The following TRAF3IP1 variants were observed in gnomAD, a reference collection of about 807,000 sequenced individuals.
The protein encoded by TRAF3IP1 is intraflagellar transport 54.
TRAF3IP1 carries 53 observed loss-of-function variants against 89.9 expected under a neutral mutation model. The observed-to-expected ratio is 0.59, with a 90% CI of 0.47 to 0.74. The LOEUF (loss-of-function observed/expected upper bound fraction) is 0.74, where lower values mean the gene tolerates loss of function less well. Among genes scored for constraint, TRAF3IP1 ranks in the 30% least tolerant of loss-of-function variants. The pLI is 0.00. For missense variants in TRAF3IP1, 806 were observed against 866.1 expected (o/e 0.93, Z 0.87); for synonymous variants, 311 against 322.1 (o/e 0.97, Z 0.37).
intron 15 of TRAF3IP1, among the ~76,000 whole-genome samples, chr2:238,380,402 C>T (rs1700495908): frequency 6.6e-6 from 1 of 152,158 alleles, no homozygotes; most frequent in African/African-American, 2.4e-5. Context: ...AGGGAAGGTC[C>T]TCTCCCCCGG....
At chr2:238,361,155 T>C (rs1559377701) in intron 15 of TRAF3IP1, among the ~76,000 whole-genome samples, 3 of 151,480 alleles carry the variant, frequency 2.0e-5, no homozygotes, top group Admixed American at 6.6e-5. Context: ...CAAGTGATCC[T>C]CCCACCTCAG....
chr2:238,332,255 C>T (rs765182303), intron 5 of TRAF3IP1, among the ~76,000 whole-genome samples: 20 of 152,208 alleles, frequency 1.3e-4, no homozygotes, highest in Non-Finnish European at 2.9e-4. Flanking sequence ...TCCTTCTACT[C>T]TGAGATATGT....
At chr2:238,335,861 G>T (rs577244300) in intron 7 of TRAF3IP1, among the ~76,000 whole-genome samples, 8 of 151,210 alleles carry the variant, frequency 5.3e-5, no homozygotes, top group African/African-American at 1.2e-4. Context: ...GTGCAGTGGC[G>T]CAATCATGGC....
chr2:238,341,788 C>T lies in TRAF3IP1; in HGVS notation c.1160-2709C>T, dbSNP rs566617992. Reference sequence around the variant, plus strand: ...GAGGCGGGGCAAACTGGGCAAACTGCGGCTCAGGAAGGCTGAGGGACCTGA... The same window carrying T: ...GAGGCGGGGCAAACTGGGCAAACTGTGGCTCAGGAAGGCTGAGGGACCTGA... On this transcript the variant is annotated intron_variant, in intron 8 of 16. Coordinates refer to ENST00000373327, the MANE Select transcript of TRAF3IP1 (RefSeq NM_015650.4). 3.1e-4 allele frequency among the ~76,000 whole-genome samples: 47 copies of T among 152,168 alleles called. No homozygotes were observed. In the East Asian group the frequency reaches 3.7e-3, roughly 12 times the overall value.
intron 15 of TRAF3IP1, among the ~76,000 whole-genome samples, chr2:238,362,423 G>A (rs1241856874): frequency 6.6e-6 from 1 of 152,256 alleles, no homozygotes; most frequent in East Asian, 1.9e-4. Flanking sequence ...TATCTCATGG[G>A]TCAGTCTAGA....
chr2:238,365,534 T>C (rs570587289), intron 15 of TRAF3IP1, among the ~76,000 whole-genome samples: 1 of 152,202 alleles, frequency 6.6e-6, no homozygotes, highest in African/African-American at 2.4e-5. Context: ...GGTGCATACC[T>C]GTGTTTCCAG....
At position 238,344,572 on chromosome 2, in the gene TRAF3IP1, A is replaced by C. The variant is rs1464209267; in HGVS notation, c.1235A>C (p.Gln412Pro). The change falls in exon 9 of 17, where the codon CAG becomes CCG. Residue 412 changes from glutamine to proline, a missense_variant. Gln to Pro is a moderately conservative substitution (Grantham distance 76). Around this residue, in one of 3 missense-constraint regions of TRAF3IP1, gnomAD observed 732 missense variants for 780.5 expected, o/e 0.94. Coordinates refer to ENST00000373327, the MANE Select transcript of TRAF3IP1 (RefSeq NM_015650.4). ...GCTAGTCTGCGGTGTGAGAATATTC[A>C]GCCCAACCCCACAGAGAAGCAGAAA... ...NSASLRCENI[Q>P]PNPTEKQKGD... 1.2e-6 allele frequency: 2 copies of C among 1,614,078 alleles called. No individual in the cohort carries two copies. Among genetic ancestry groups the C allele is most frequent in the Non-Finnish European group, 1.7e-6 (2 of 1,180,018 alleles).
In TRAF3IP1 at chr2:238,397,516, A is replaced by T; in HGVS notation, c.1747A>T (p.Ile583Leu). Residue 583 changes from isoleucine to leucine, a missense_variant, in exon 16 of 17, where the codon ATA becomes TTA. By Grantham distance (5) the Ile-to-Leu change is conservative. Around this residue, in one of 3 missense-constraint regions of TRAF3IP1, gnomAD observed 732 missense variants for 780.5 expected, o/e 0.94. Transcript: ENST00000373327. Reference sequence around the variant, plus strand: ...GGAGAAGGACATCGTTTCCAAGGAGATAGAGAAGCTCCGCACGTCCATCCA... The same window carrying T: ...GGAGAAGGACATCGTTTCCAAGGAGTTAGAGAAGCTCCGCACGTCCATCCA... ...KKEKDIVSKE[I>L]EKLRTSIQTL... The T allele has an allele frequency of 6.2e-7, 1 of 1,613,068 alleles. No individual in the cohort carries two copies. Among genetic ancestry groups the T allele is most frequent in the Non-Finnish European group, 8.5e-7 (1 of 1,179,928 alleles).
At chr2:238,328,259 T>G (rs2106362676) in intron 3 of TRAF3IP1, among the ~76,000 whole-genome samples, 1 of 152,240 alleles carries the variant, frequency 6.6e-6, no homozygotes. Context: ...TGGTTTTGTG[T>G]GTTTTTTTTT....
chr2:238,375,864 C>T (rs983393838), intron 15 of TRAF3IP1, among the ~76,000 whole-genome samples: 2 of 152,050 alleles, frequency 1.3e-5, no homozygotes, highest in Non-Finnish European at 2.9e-5. Flanking sequence ...ATGCTTAATC[C>T]ACCTGGAGTT....
At chr2:238,352,644 G>A (rs1699225130) in intron 12 of TRAF3IP1, among the ~76,000 whole-genome samples, 183 bp from the exon 13 acceptor site, 1 of 152,172 alleles carries the variant, frequency 6.6e-6, no homozygotes, top group African/African-American at 2.4e-5. Context: ...CAGGCCTGGA[G>A]GGCTTGCAGA....
At chr2:238,354,052 G>C (rs1309147618) in intron 14 of TRAF3IP1, among the ~76,000 whole-genome samples, 2 of 152,200 alleles carry the variant, frequency 1.3e-5, no homozygotes, top group Non-Finnish European at 2.9e-5. Flanking sequence ...GGGATTACAG[G>C]CATGGGCCAC....
At chr2:238,366,404 A>G (rs574173849) in intron 15 of TRAF3IP1, among the ~76,000 whole-genome samples, 1 of 152,292 alleles carries the variant, frequency 6.6e-6, no homozygotes, top group South Asian at 2.1e-4. Flanking sequence ...ATAGACAAAT[A>G]AAGTTCATGA....
intron 7 of TRAF3IP1, among the ~76,000 whole-genome samples, chr2:238,336,598 A>G (rs906445899): frequency 1.3e-5 from 2 of 152,136 alleles, no homozygotes; most frequent in Non-Finnish European, 2.9e-5. Flanking sequence ...TCTGCCTGAG[A>G]ATATTATAAT....
chr2:238,348,812 C>T lies in TRAF3IP1; in HGVS notation c.1331C>T (p.Thr444Ile). Residue 444 changes from threonine to isoleucine, a missense_variant, in exon 11 of 17, where the codon ACT becomes ATT. Thr to Ile is a moderately conservative substitution (Grantham distance 89). This residue lies in a region of TRAF3IP1 where 732 missense variants were observed against 780.5 expected (regional missense o/e 0.94). Coordinates refer to ENST00000373327, the MANE Select transcript of TRAF3IP1 (RefSeq NM_015650.4). ...AGQDKSEVPE[T>I]PEIPNELSSN... ...CAAGATAAGTCTGAGGTGCCAGAGA[C>T]TCCAGAAATTCCTAATGAGCTTTCA... 1 of 1,614,150 alleles carries T rather than the reference C, an allele frequency of 6.2e-7. No individual in the cohort carries two copies. Among genetic ancestry groups the T allele is most frequent in the Non-Finnish European group, 8.5e-7 (1 of 1,180,014 alleles).
chr2:238,378,883 G>A (rs1221019350), intron 15 of TRAF3IP1, among the ~76,000 whole-genome samples: 3 of 152,078 alleles, frequency 2.0e-5, no homozygotes, highest in African/African-American at 7.2e-5. Context: ...GTGGTTTTGC[G>A]GTCAGTCTTT....
At chr2:238,334,616 T>A (rs1698297291) in intron 7 of TRAF3IP1, among the ~76,000 whole-genome samples, 1 of 152,252 alleles carries the variant, frequency 6.6e-6, no homozygotes, top group Non-Finnish European at 1.5e-5. Flanking sequence ...ATGAAGTTAC[T>A]TTGAATGAGC....
chr2:238,334,877 G>A (rs1698310134), intron 7 of TRAF3IP1, among the ~76,000 whole-genome samples: 1 of 152,318 alleles, frequency 6.6e-6, no homozygotes, highest in Admixed American at 6.5e-5. Context: ...TATGGCTACT[G>A]CGTGCCCTTA....
chr2:238,334,112 G>A (rs1311796793), intron 7 of TRAF3IP1, 77 bp downstream of exon 7: 22 of 1,108,688 alleles, frequency 2.0e-5, no homozygotes, highest in Admixed American at 7.2e-5. Context: ...TCAATGTCTA[G>A]TAGGAAAGAA....
Sources: allele counts gnomAD v4.1 joint callset (sites outside exome capture counted in the v4.1 genomes callset), GRCh38; gene constraint gnomAD v4.1.1; regional missense constraint gnomAD v4.1.1; transcripts MANE v1.5; gene names NCBI Gene and HGNC (gene_info 2026-07-23, HGNC 2026-07-21).